CNTNAP2: variants seen among roughly 807,000 people sequenced by gnomAD.
The protein encoded by CNTNAP2 is contactin-associated protein-like 2.
A neutral mutation model predicts 155.2 loss-of-function variants in CNTNAP2; 98 were observed. The ratio of observed to expected loss-of-function variants is 0.63; its 90% CI spans 0.54 to 0.75. The LOEUF is 0.75. Among genes scored for constraint, CNTNAP2 ranks in the 30% least tolerant of loss-of-function variants. The pLI is 0.00. For synonymous variants in CNTNAP2, 651 were observed against 631.2 expected, an observed-to-expected ratio of 1.03 and a Z score of -0.47; for missense variants, 1,727 against 1,688.1, an observed-to-expected ratio of 1.02 and a Z score of -0.40.
chr7:147,440,406 T>C (rs1333607792), intron 10 of CNTNAP2, among the ~76,000 whole-genome samples: 1 of 152,172 alleles, frequency 6.6e-6, no homozygotes, highest in Non-Finnish European at 1.5e-5. Context: ...GTTGTTTCTA[T>C]TTATATCACA....
At chr7:146,250,525 T>C (rs967814164) in intron 1 of CNTNAP2, among the ~76,000 whole-genome samples, 3 of 152,170 alleles carry the variant, frequency 2.0e-5, no homozygotes, top group Non-Finnish European at 4.4e-5. Flanking sequence ...GGGCTTTCAC[T>C]CTCTTACTAT....
rs577350650 is a variant in CNTNAP2 at position 146,993,914 on chromosome 7, A to G, written c.403-49993A>G. Among the ~76,000 whole-genome samples, 5 of 152,268 alleles carry G rather than the reference A, an allele frequency of 3.3e-5. No individual in the cohort carries two copies. In the South Asian group the frequency reaches 8.3e-4, roughly 25 times the overall value. On this transcript the variant is annotated intron_variant, in intron 3 of 23. Coordinates refer to ENST00000361727, the MANE Select transcript of CNTNAP2 (RefSeq NM_014141.6). ...ACATGTTTAGTATTTTCCAGGTTCA[A>G]CCAATACCACTTTGAACTGCTCTAA...
chr7:146,939,901 T>A (rs1355739910), intron 3 of CNTNAP2, among the ~76,000 whole-genome samples: 1 of 151,914 alleles, frequency 6.6e-6, no homozygotes, highest in Non-Finnish European at 1.5e-5. Context: ...TTTTTTTCAG[T>A]TTTTTACATT....
intron 10 of CNTNAP2, among the ~76,000 whole-genome samples, chr7:147,421,617 G>GTGT (rs1554482514): frequency 6.7e-6 from 1 of 150,216 alleles, no homozygotes; most frequent in Non-Finnish European, 1.5e-5. Flanking sequence ...GTGTGTGTAT[G>GTGT]CTGAGATATA....
At chr7:146,622,129 G>GTA (rs3077336) in intron 1 of CNTNAP2, among the ~76,000 whole-genome samples, 22 of 144,810 alleles carry the variant, frequency 1.5e-4, no homozygotes, top group Admixed American at 4.9e-4. Context: ...TTATGTATGT[G>GTA]TATATATATA....
intron 1 of CNTNAP2, among the ~76,000 whole-genome samples, chr7:146,645,571 T>C (rs11982983): frequency 0.18 from 27,701 of 152,068 alleles, 2,983 homozygotes; most frequent in East Asian, 0.49. Flanking sequence ...AGGTATCTTG[T>C]TGGAGATGGG....
intron 1 of CNTNAP2, among the ~76,000 whole-genome samples, chr7:146,705,366 G>C (rs1018942829): frequency 7.2e-5 from 11 of 152,048 alleles, no homozygotes; most frequent in South Asian, 2.1e-4. Flanking sequence ...TTGTTTCCTG[G>C]TTCATAGATG....
chr7:147,126,234 C>T (rs1436826818), intron 6 of CNTNAP2, among the ~76,000 whole-genome samples: 1 of 151,958 alleles, frequency 6.6e-6, no homozygotes, highest in Non-Finnish European at 1.5e-5. Flanking sequence ...TAGAGGTATC[C>T]AATAGTCCCT....
rs767033703 is a variant in CNTNAP2, at chr7:147,108,283, A to G, written c.687A>G (p.Glu229=). The change falls in exon 5 of 24, where the codon GAA becomes GAG. Residue 229 remains glutamate (E), a synonymous_variant. Coordinates refer to ENST00000361727, the MANE Select transcript of CNTNAP2 (RefSeq NM_014141.6). ...SESEGVILHG[E]GQQGDYITLE... ...GTGAAGGAGTAATCCTGCACGGAGA[A>G]GGACAGCAAGGAGATTACATTACCT... 9 of 1,613,700 alleles carry G rather than the reference A, an allele frequency of 5.6e-6. No individual in the cohort carries two copies. The South Asian group carries it at 9.9e-5, about 18-fold the overall frequency.
intron 4 of CNTNAP2, among the ~76,000 whole-genome samples, chr7:147,094,146 T>C (rs1330517330): frequency 6.6e-6 from 1 of 152,138 alleles, no homozygotes; most frequent in Non-Finnish European, 1.5e-5. Flanking sequence ...AGGGACTCTG[T>C]GGAGATCTTG....
intron 1 of CNTNAP2, among the ~76,000 whole-genome samples, chr7:146,477,700 T>G (rs142757684): frequency 3.5e-5 from 5 of 142,328 alleles, no homozygotes; most frequent in African/African-American, 7.7e-5. Flanking sequence ...TACTAAAAAT[T>G]TATATATTTT....
At chr7:146,947,425 T>C (rs1179052456) in intron 3 of CNTNAP2, among the ~76,000 whole-genome samples, 4 of 138,394 alleles carry the variant, frequency 2.9e-5, no homozygotes, top group African/African-American at 1.1e-4. Flanking sequence ...TATATATATA[T>C]ATATACATAC....
intron 1 of CNTNAP2, among the ~76,000 whole-genome samples, chr7:146,632,942 C>CA (rs71165021): frequency 0.46 from 67,280 of 144,920 alleles, 15,873 homozygotes; most frequent in South Asian, 0.59. Context: ...AATTGGTAAG[C>CA]AAAAAAAAAA....
At chr7:146,736,697 C>T (rs79748416) in intron 1 of CNTNAP2, among the ~76,000 whole-genome samples, 266 of 152,206 alleles carry the variant, frequency 1.7e-3, no homozygotes, top group African/African-American at 5.5e-3. Flanking sequence ...AGCATGGTTG[C>T]GGGTCTACGG....
At position 146,402,961 on chromosome 7, in the gene CNTNAP2, ATTAT is replaced by A. The variant is rs1247361005; in HGVS notation, c.97+285991_97+285994del. ...ATTTGAAGTATTAAAGTAATTATTT[ATTAT>A]TTGTTACACTATACATTGAAATTAA... On this transcript the variant is annotated intron_variant, in intron 1 of 23. Coordinates refer to ENST00000361727, the MANE Select transcript of CNTNAP2 (RefSeq NM_014141.6). Among the ~76,000 whole-genome samples the A allele has an allele frequency of 3.9e-5, 6 of 152,210 alleles. No homozygotes were observed. In the South Asian group the frequency reaches 1.2e-3, roughly 32 times the overall value.
chr7:148,227,545 G>T (rs1795875487), intron 19 of CNTNAP2, among the ~76,000 whole-genome samples: 1 of 152,298 alleles, frequency 6.6e-6, no homozygotes, highest in African/African-American at 2.4e-5. Flanking sequence ...GTGTGGAGCT[G>T]CCTCAGCCAG....
At chr7:146,690,895 A>G (rs1431915668) in intron 1 of CNTNAP2, among the ~76,000 whole-genome samples, 2 of 152,154 alleles carry the variant, frequency 1.3e-5, no homozygotes, top group East Asian at 1.9e-4. Flanking sequence ...CTAAAAATAT[A>G]TAGAATGATT....
At chr7:147,841,442 A>T (rs925242630) in intron 13 of CNTNAP2, among the ~76,000 whole-genome samples, 1 of 152,152 alleles carries the variant, frequency 6.6e-6, no homozygotes, top group Non-Finnish European at 1.5e-5. Context: ...AAAGACCGAG[A>T]CTGAGATCTC....
At chr7:147,060,011 G>A (rs1262567168) in intron 4 of CNTNAP2, among the ~76,000 whole-genome samples, 2 of 152,002 alleles carry the variant, frequency 1.3e-5, no homozygotes, top group African/African-American at 2.4e-5. Flanking sequence ...AAAACCTCAC[G>A]ATACTGCTAC....
Sources: gnomAD v4.1 joint callset for allele counts (sites outside exome capture counted in the v4.1 genomes callset) on GRCh38, gnomAD v4.1.1 for gene constraint, MANE v1.5 for transcripts, NCBI Gene and HGNC (gene_info 2026-07-23, HGNC 2026-07-21) for gene names.